MAPKAP1: variants seen among roughly 807,000 people sequenced by gnomAD.
The protein encoded by MAPKAP1 is MAPK associated protein 1, also known as target of rapamycin complex 2 subunit MAPKAP1.
In MAPKAP1, 20 loss-of-function variants were observed where a neutral mutation model predicts 65.7. The observed-to-expected ratio is 0.30, with a 90% CI of 0.21 to 0.44. MAPKAP1 has a LOEUF of 0.44. MAPKAP1 is among the 20% of genes least tolerant of loss of function. MAPKAP1 has a pLI of 1.00. For missense variants in MAPKAP1, 423 were observed against 648.0 expected (o/e 0.65, Z 3.77); for synonymous variants, 222 against 244.3 (o/e 0.91, Z 0.85).
intron 1 of MAPKAP1, among the ~76,000 whole-genome samples, chr9:125,704,857 C>T (rs1021117065): frequency 6.6e-6 from 1 of 152,186 alleles, no homozygotes; most frequent in Non-Finnish European, 1.5e-5. Flanking sequence ...CCCTTTATCC[C>T]CATTAGTTCA....
chr9:125,464,328 T>C (rs886112364), intron 10 of MAPKAP1, among the ~76,000 whole-genome samples: 1 of 152,026 alleles, frequency 6.6e-6, no homozygotes. Context: ...TCCTCTTGTA[T>C]GTGTTGAATA....
At chr9:125,459,472 GGTGGAGGTT>G (rs1406397123) in intron 10 of MAPKAP1, among the ~76,000 whole-genome samples, 1 of 152,024 alleles carries the variant, frequency 6.6e-6, no homozygotes, top group Non-Finnish European at 1.5e-5. Flanking sequence ...GCGGCTGGGA[GGTGGAGGTT>G]GTAGCGAGCC....
chr9:125,460,084 T>TA (rs1395792467), intron 10 of MAPKAP1, among the ~76,000 whole-genome samples: 3 of 152,156 alleles, frequency 2.0e-5, no homozygotes, highest in Non-Finnish European at 4.4e-5. Context: ...AATTTTTCAG[T>TA]AGGGAACAGC....
intron 4 of MAPKAP1, among the ~76,000 whole-genome samples, chr9:125,630,087 A>G (rs1019593630): frequency 1.3e-5 from 2 of 152,134 alleles, no homozygotes; most frequent in Non-Finnish European, 2.9e-5. Flanking sequence ...GAAACATAAC[A>G]GTCAAGGCCA....
At chr9:125,693,520 T>C (rs1032034370) in intron 1 of MAPKAP1, among the ~76,000 whole-genome samples, 3 of 118,662 alleles carry the variant, frequency 2.5e-5, no homozygotes, top group South Asian at 2.7e-4. Context: ...TACACACACA[T>C]ATATACACAT....
intron 5 of MAPKAP1, among the ~76,000 whole-genome samples, chr9:125,577,386 G>C (rs1831450175): frequency 6.6e-6 from 1 of 150,452 alleles, no homozygotes. Context: ...CGGGAGGGAG[G>C]TGGGGGGTCA....
intron 9 of MAPKAP1, among the ~76,000 whole-genome samples, chr9:125,480,119 T>C (rs1854254075): frequency 6.6e-6 from 1 of 152,160 alleles, no homozygotes; most frequent in South Asian, 2.1e-4. Context: ...TTTGTTGTTG[T>C]TAGAATGTGA....
chr9:125,553,746 A>G (rs573075093), intron 6 of MAPKAP1, among the ~76,000 whole-genome samples: 1 of 152,250 alleles, frequency 6.6e-6, no homozygotes, highest in South Asian at 2.1e-4. Flanking sequence ...TTGCAGAAAA[A>G]GTTTGCTGAG....
chr9:125,694,124 T>A (rs1835314346), intron 1 of MAPKAP1, among the ~76,000 whole-genome samples: 1 of 151,926 alleles, frequency 6.6e-6, no homozygotes, highest in South Asian at 2.1e-4. Context: ...AGGTCAGGAG[T>A]TCGAGACCAG....
At chr9:125,679,974 T>C (rs1181994846) in intron 1 of MAPKAP1, among the ~76,000 whole-genome samples, 1 of 152,222 alleles carries the variant, frequency 6.6e-6, no homozygotes, top group African/African-American at 2.4e-5. Context: ...ATGTTAATTG[T>C]GTATTTATAA....
Position 125,657,782 on chromosome 9 carries a change from G to T in MAPKAP1, c.367C>A (p.Leu123Met). 6.2e-7 allele frequency: 1 copy of T among 1,613,804 alleles called. No homozygotes were observed. The highest frequency in any genetic ancestry group is 8.5e-7 in the Non-Finnish European group (1 of 1,179,826). ...TCTTTGAGAGATTTTTTTTCAAACA[G>T]TGACTTTAACTCCTGGGCTGTGATA... ...SKQSAQELKS[L>M]FEKKSLKEKP... The change falls in exon 4 of 12, where the codon CTG (leucine) becomes ATG (methionine). Residue 123 changes from leucine to methionine, a missense_variant. Physicochemically the swap from Leu to Met is conservative, Grantham distance 15. Around this residue, in one of 6 missense-constraint regions of MAPKAP1, gnomAD observed 67 missense variants for 69.6 expected, o/e 0.96. Transcript: ENST00000265960.
At chr9:125,534,763 C>T (rs1351761211) in intron 7 of MAPKAP1, among the ~76,000 whole-genome samples, 1 of 152,156 alleles carries the variant, frequency 6.6e-6, no homozygotes, top group Non-Finnish European at 1.5e-5. Context: ...CCCCTGACGA[C>T]CACAGCAGCC....
intron 1 of MAPKAP1, among the ~76,000 whole-genome samples, chr9:125,693,778 TAC>T (rs1835290418): frequency 6.7e-6 from 1 of 150,052 alleles, no homozygotes; most frequent in Admixed American, 6.6e-5. Context: ...TACACATATA[TAC>T]ACGTATATAT....
chr9:125,523,793 G>C (rs1829687025), intron 7 of MAPKAP1, among the ~76,000 whole-genome samples: 1 of 152,148 alleles, frequency 6.6e-6, no homozygotes, highest in Non-Finnish European at 1.5e-5. Context: ...CCACCCCCAG[G>C]TGCTGAGCAT....
At chr9:125,573,573 T>C (rs1301884972) in intron 5 of MAPKAP1, among the ~76,000 whole-genome samples, 1 of 152,228 alleles carries the variant, frequency 6.6e-6, no homozygotes, top group Admixed American at 6.5e-5. Flanking sequence ...CTTGCTTTCA[T>C]TTTGCACTGT....
intron 5 of MAPKAP1, among the ~76,000 whole-genome samples, chr9:125,562,961 C>CA (rs1403810107): frequency 2.0e-5 from 3 of 152,166 alleles, no homozygotes; most frequent in African/African-American, 7.2e-5. Flanking sequence ...CTTGAGAACC[C>CA]AATCACCTAT....
At chr9:125,678,932 G>T (rs998231991) in intron 1 of MAPKAP1, among the ~76,000 whole-genome samples, 2 of 151,888 alleles carry the variant, frequency 1.3e-5, no homozygotes, top group Admixed American at 6.6e-5. Context: ...AAGAGCTTGG[G>T]ATCTTACTCC....
At chr9:125,483,316 G>C (rs1206193998) in intron 9 of MAPKAP1, among the ~76,000 whole-genome samples, 2 of 152,140 alleles carry the variant, frequency 1.3e-5, no homozygotes, top group African/African-American at 2.4e-5. Context: ...TGATTCTCTT[G>C]CCCATCTCTT....
intron 3 of MAPKAP1, among the ~76,000 whole-genome samples, chr9:125,660,975 T>C (rs997968304): frequency 6.6e-6 from 1 of 152,062 alleles, no homozygotes; most frequent in Non-Finnish European, 1.5e-5. Context: ...AGACAAATGA[T>C]AAATTAGGAA....
Sources: gnomAD v4.1 joint callset for allele counts (sites outside exome capture counted in the v4.1 genomes callset) on GRCh38, gnomAD v4.1.1 for gene constraint, gnomAD v4.1.1 regional missense constraint, MANE v1.5 for transcripts, NCBI Gene and HGNC (gene_info 2026-07-23, HGNC 2026-07-21) for gene names.